Variants in UEVLD observed in about 807,000 individuals in gnomAD.
UEVLD encodes UEV and lactate/malate dehyrogenase domains, also known as ubiquitin-conjugating enzyme E2 variant 3.
Under a neutral mutation model 58.6 loss-of-function variants are expected in UEVLD, and 47 were observed. The observed-to-expected ratio is 0.80, with a 90% CI of 0.63 to 1.02. The LOEUF (loss-of-function observed/expected upper bound fraction) is 1.02. UEVLD is among the 50% of genes least tolerant of loss of function. The pLI, the probability that UEVLD is intolerant of heterozygous loss-of-function variation, is 0.00. For synonymous variants in UEVLD, 197 were observed against 195.3 expected (o/e 1.01, Z -0.07); for missense variants, 510 against 550.6 (o/e 0.93, Z 0.74).
At chr11:18,553,563 A>T (rs185399339) in intron 7 of UEVLD, among the ~76,000 whole-genome samples, 4 of 152,206 alleles carry the variant, frequency 2.6e-5, no homozygotes, top group Non-Finnish European at 5.9e-5. Context: ...AAACTGGTAC[A>T]TGAATGTTCA....
At position 18,547,519 on chromosome 11, in the gene UEVLD, G is replaced by A. The variant is rs370518373; in HGVS notation, c.716-469C>T. On this transcript the variant is annotated intron_variant, in intron 7 of 11. Transcript: ENST00000396197. ...GAGTCTCGTGACAGAGTGAGACTCT[G>A]TCTCAATAAAAAAGGAAGAGTGTAT... 6.6e-5 allele frequency among the ~76,000 whole-genome samples: 10 copies of A among 152,188 alleles called. No individual in the cohort carries two copies. In the East Asian group the frequency reaches 1.9e-3, roughly 29 times the overall value.
At chr11:18,565,222 G>A (rs2134022027) in intron 5 of UEVLD, among the ~76,000 whole-genome samples, 1 of 152,224 alleles carries the variant, frequency 6.6e-6, no homozygotes, top group East Asian at 1.9e-4. Flanking sequence ...CTTCTAAAGA[G>A]AATGTATCTT....
chr11:18,573,699 G>A (rs1387498601), intron 3 of UEVLD, among the ~76,000 whole-genome samples: 1 of 152,154 alleles, frequency 6.6e-6, no homozygotes, highest in African/African-American at 2.4e-5. Context: ...GAGGTATCAT[G>A]GTGGGACATA....
intron 8 of UEVLD, among the ~76,000 whole-genome samples, chr11:18,546,425 T>C (rs575513287): frequency 8.9e-4 from 135 of 152,300 alleles, no homozygotes; most frequent in Non-Finnish European, 1.2e-3. Context: ...CTGTTTATTA[T>C]ATAGGCAATT....
chr11:18,543,483 C>CT (rs1851152914), intron 9 of UEVLD, among the ~76,000 whole-genome samples: 1 of 152,152 alleles, frequency 6.6e-6, no homozygotes, highest in African/African-American at 2.4e-5. Context: ...CTATTGTTCA[C>CT]TATCTATTAA....
chr11:18,534,182 T>C (rs1850692956), intron 11 of UEVLD, 148 bp downstream of exon 11: 2 of 561,480 alleles, frequency 3.6e-6, no homozygotes, highest in East Asian at 7.2e-5. Context: ...GGATAGGGCT[T>C]AAACTAAACT....
chr11:18,560,148 A>ACACACC (rs1205721787), intron 6 of UEVLD, among the ~76,000 whole-genome samples: 1 of 54,162 alleles, frequency 1.8e-5, no homozygotes, highest in East Asian at 6.8e-4. Context: ...CAGAGAGAGA[A>ACACACC]AGAAAATAAC....
intron 4 of UEVLD, among the ~76,000 whole-genome samples, chr11:18,567,992 A>T (rs530992793): frequency 5.9e-5 from 9 of 152,176 alleles, no homozygotes; most frequent in African/African-American, 1.9e-4. Flanking sequence ...AAAAAATTTT[A>T]AAATTAGTAG....
At chr11:18,543,259 G>C (rs536193339) in intron 9 of UEVLD, among the ~76,000 whole-genome samples, 15 of 152,274 alleles carry the variant, frequency 9.9e-5, no homozygotes, top group Admixed American at 9.2e-4. Context: ...TTAACAGTAA[G>C]TACTTCAAAT....
At chr11:18,568,518 A>T (rs761974510) in intron 4 of UEVLD, among the ~76,000 whole-genome samples, 27 of 152,226 alleles carry the variant, frequency 1.8e-4, no homozygotes, top group Non-Finnish European at 3.2e-4. Flanking sequence ...CTGAAAATTA[A>T]GAGTAAGATC....
intron 3 of UEVLD, 59 bp from the exon 4 acceptor site, chr11:18,570,436 T>G: frequency 7.0e-7 from 1 of 1,422,528 alleles, no homozygotes; most frequent in Middle Eastern, 2.0e-4. Flanking sequence ...CATTATGATA[T>G]AGCTAGGCGG....
chr11:18,584,216 C>G (rs1230260151), intron 1 of UEVLD, among the ~76,000 whole-genome samples: 1 of 151,940 alleles, frequency 6.6e-6, no homozygotes, highest in Non-Finnish European at 1.5e-5. Context: ...ACTGTCTCTA[C>G]AAAAATAAAA....
At chr11:18,540,634 T>C (rs1851013546) in intron 9 of UEVLD, among the ~76,000 whole-genome samples, 2 of 152,344 alleles carry the variant, frequency 1.3e-5, no homozygotes, top group South Asian at 4.1e-4. Flanking sequence ...TGCTCAGTTA[T>C]GTTTTAACAC....
intron 2 of UEVLD, among the ~76,000 whole-genome samples, chr11:18,576,726 C>G (rs1277413380): frequency 6.6e-6 from 1 of 151,922 alleles, no homozygotes; most frequent in Non-Finnish European, 1.5e-5. Flanking sequence ...ATCTTGTGGC[C>G]CCAACCCGGG....
chr11:18,541,134 T>G (rs527751605), intron 9 of UEVLD, among the ~76,000 whole-genome samples: 1 of 152,346 alleles, frequency 6.6e-6, no homozygotes, highest in African/African-American at 2.4e-5. Context: ...TATTTTCTCT[T>G]TATGAGACTT....
chr11:18,545,019 C>T (rs764651602), intron 8 of UEVLD, among the ~76,000 whole-genome samples: 6 of 145,428 alleles, frequency 4.1e-5, no homozygotes, highest in East Asian at 2.0e-4. Context: ...TGTATATATA[C>T]GTGTATATAT....
chr11:18,561,916 C>G lies in UEVLD; in HGVS notation c.612+2976G>C, dbSNP rs1052861187. ...TCCATCTCAAGAAAAAAAAAAGAGT[C>G]AAGTGTTTAGACAAGTGCCTGGTAC... On this transcript the variant is annotated intron_variant, in intron 6 of 11. Transcript: ENST00000396197. 2.0e-5 allele frequency among the ~76,000 whole-genome samples: 3 copies of G among 151,366 alleles called. No homozygotes were observed. In the South Asian group the frequency reaches 6.2e-4, roughly 32 times the overall value.
At chr11:18,577,152 C>A (rs190231053) in intron 2 of UEVLD, among the ~76,000 whole-genome samples, 1 of 152,214 alleles carries the variant, frequency 6.6e-6, no homozygotes. Flanking sequence ...CACTGCACTG[C>A]AGCCTGGGCA....
chr11:18,543,756 A>G (rs1311897726), intron 9 of UEVLD, among the ~76,000 whole-genome samples: 1 of 152,240 alleles, frequency 6.6e-6, no homozygotes, highest in Non-Finnish European at 1.5e-5. Flanking sequence ...TAAAAGAGTA[A>G]GGGAAGAGAT....
Sources: allele counts gnomAD v4.1 joint callset (sites outside exome capture counted in the v4.1 genomes callset), GRCh38; gene constraint gnomAD v4.1.1; transcripts MANE v1.5; gene names NCBI Gene and HGNC (gene_info 2026-07-23, HGNC 2026-07-21).